SPAG11B: variants seen among roughly 807,000 people sequenced by gnomAD.
The protein encoded by SPAG11B is sperm-associated antigen 11B.
A neutral mutation model predicts 8.9 loss-of-function variants in SPAG11B; 5 were observed. That is an observed-to-expected ratio of 0.56 (90% CI 0.29 to 1.19). The LOEUF (loss-of-function observed/expected upper bound fraction) is 1.19, where lower values mean the gene tolerates loss of function less well. Among genes scored for constraint, SPAG11B ranks in the 50% most tolerant of loss-of-function variants. The pLI, the probability that SPAG11B is intolerant of heterozygous loss-of-function variation, is 0.08. For missense variants in SPAG11B, 38 were observed against 146.4 expected (o/e 0.26, Z 3.82); for synonymous variants, 12 against 53.0 (o/e 0.23, Z 3.36).
chr8:7,453,717 C>G (rs1380603665), intron 2 of SPAG11B, among the ~76,000 whole-genome samples: 3 of 149,006 alleles, frequency 2.0e-5, no homozygotes, highest in Admixed American at 6.7e-5. Flanking sequence ...CATGGGTGAA[C>G]AGTGTGAGCA....
downstream of SPAG11B, among the ~76,000 whole-genome samples, chr8:7,448,798 CCTTCCCTTCCATGTTT>C: frequency 7.4e-6 from 1 of 134,234 alleles, no homozygotes; most frequent in South Asian, 2.3e-4. Context: ...CCTTCCCTTC[CCTTCCCTTCCATGTTT>C]GCTTCCCGGA....
At chr8:7,453,531 A>G (rs1185123768) in intron 2 of SPAG11B, among the ~76,000 whole-genome samples, 4 of 148,210 alleles carry the variant, frequency 2.7e-5, no homozygotes, top group African/African-American at 1.0e-4. Flanking sequence ...GGACTTGCCT[A>G]TATTACTTGT....
intron 2 of SPAG11B, among the ~76,000 whole-genome samples, chr8:7,453,403 A>C (rs1447822639): frequency 6.7e-6 from 1 of 149,174 alleles, no homozygotes; most frequent in Non-Finnish European, 1.5e-5. Flanking sequence ...CCTGGGCTTC[A>C]TAACAATTGC....
downstream of SPAG11B, among the ~76,000 whole-genome samples, chr8:7,450,411 G>A (rs1426369449): frequency 2.1e-5 from 3 of 144,108 alleles, 1 homozygote; most frequent in African/African-American, 7.9e-5. Context: ...CAGCAGATTG[G>A]TTGCATTTAT....
At chr8:7,457,116 T>G (rs1376959129) in intron 2 of SPAG11B, among the ~76,000 whole-genome samples, 2 of 148,444 alleles carry the variant, frequency 1.3e-5, no homozygotes, top group Non-Finnish European at 3.0e-5. Context: ...TATTTATTTT[T>G]ACTCACCGCT....
chr8:7,448,873 A>G (rs1268637572), downstream of SPAG11B, among the ~76,000 whole-genome samples: 2 of 143,834 alleles, frequency 1.4e-5, no homozygotes, highest in Non-Finnish European at 3.0e-5. Context: ...GGGCAACGCC[A>G]TAGGTACTAG....
In SPAG11B at chr8:7,451,542, G is replaced by A. The variant is rs1585504155; in HGVS notation, c.215-642C>T. On this transcript the variant is annotated intron_variant, in intron 2 of 2. Coordinates refer to ENST00000398462, the MANE Select transcript of SPAG11B (RefSeq NM_058201.4). ...AACAACAGCACAGTGTTGGTCTTGC[G>A]TGATTAGGAAAACACTCTTGCACAA... Among the ~76,000 whole-genome samples the A allele has an allele frequency of 2.7e-5, 3 of 110,798 alleles. No homozygotes were observed. In the East Asian group the frequency reaches 8.2e-4, roughly 30 times the overall value. The allele number at this position is 110,798 out of a possible 152,430, so 72.7% of individuals were successfully genotyped here. A position where few individuals can be genotyped will look rare whatever the true frequency, so the allele number is the denominator to read the frequency against.
intron 2 of SPAG11B, among the ~76,000 whole-genome samples, chr8:7,451,898 G>C (rs2128872719): frequency 6.8e-6 from 1 of 146,840 alleles, no homozygotes; most frequent in Admixed American, 6.8e-5. Context: ...CACTTTCTCT[G>C]GACTTTGGTT....
downstream of SPAG11B, chr8:7,447,888 C>T (rs2740047): frequency 9.8e-4 from 868 of 887,342 alleles, 220 homozygotes; most frequent in Non-Finnish European, 1.3e-3. Context: ...GCCACAGACC[C>T]TGGGTGAGGC....
At chr8:7,451,207 G>C (rs2294141) in intron 2 of SPAG11B, 605,021 of 1,464,006 alleles carry the variant, frequency 0.41, 85,361 homozygotes, top group East Asian at 0.49. Context: ...GCACTAGAAG[G>C]AAACAAAGGG....
intron 2 of SPAG11B, among the ~76,000 whole-genome samples, chr8:7,453,657 A>G (rs571148775): frequency 3.3e-5 from 5 of 150,260 alleles, no homozygotes; most frequent in African/African-American, 1.2e-4. Context: ...AGTCTTACCT[A>G]GACATGGATT....
At chr8:7,452,816 C>T (rs1810259504) in intron 2 of SPAG11B, among the ~76,000 whole-genome samples, 1 of 91,158 alleles carries the variant, frequency 1.1e-5, no homozygotes, top group Non-Finnish European at 2.1e-5. Flanking sequence ...TAGCACATTT[C>T]CTTGCAGCCA....
intron 2 of SPAG11B, among the ~76,000 whole-genome samples, chr8:7,456,118 CTTTCCATTTTGGTCTTATTATTTA>C (rs1810463297): frequency 2.2e-5 from 1 of 44,578 alleles, no homozygotes; most frequent in Non-Finnish European, 4.6e-5. Flanking sequence ...GGCATACTAA[CTTTCCATTTTGGTCTTATTATTTA>C]TTTCCATTTT....
chr8:7,454,168 C>G (rs559588357), intron 2 of SPAG11B, among the ~76,000 whole-genome samples: 212 of 123,094 alleles, frequency 1.7e-3, no homozygotes, highest in Middle Eastern at 4.0e-3. Context: ...AGATGATACC[C>G]TAAGTTCAAG....
chr8:7,451,423 T>G (rs1258205562), intron 2 of SPAG11B, among the ~76,000 whole-genome samples: 9 of 127,656 alleles, frequency 7.1e-5, no homozygotes, highest in Admixed American at 4.3e-4. Flanking sequence ...AACAGGACAT[T>G]GGGCAAGAGA....
chr8:7,450,930 T>A, intron 2 of SPAG11B, 30 bp from the exon 3 acceptor site: 2 of 1,550,116 alleles, frequency 1.3e-6, no homozygotes, highest in Non-Finnish European at 1.8e-6. Context: ...GAGTTGACAT[T>A]TAACTCATAT....
chr8:7,453,046 G>A (rs1810277921), intron 2 of SPAG11B, among the ~76,000 whole-genome samples: 1 of 145,114 alleles, frequency 6.9e-6, no homozygotes, highest in African/African-American at 2.7e-5. Flanking sequence ...TGTCTACTTT[G>A]GAGGAAGAGG....
chr8:7,453,516 A>T (rs1169014609), intron 2 of SPAG11B, among the ~76,000 whole-genome samples: 1 of 147,568 alleles, frequency 6.8e-6, no homozygotes, highest in Non-Finnish European at 1.5e-5. Flanking sequence ...TCTAGATATC[A>T]TTCTGGACTT....
rs1210090767 is a variant in SPAG11B at position 7,453,350 on chromosome 8, A to G, written c.215-2450T>C. 4.7e-5 allele frequency among the ~76,000 whole-genome samples: 7 copies of G among 148,894 alleles called. 1 individual carries two copies. Among genetic ancestry groups the G allele is most frequent in the African/African-American group, 1.8e-4 (7 of 39,118 alleles). On this transcript the variant is annotated intron_variant, in intron 2 of 2. Coordinates refer to ENST00000398462, the MANE Select transcript of SPAG11B (RefSeq NM_058201.4). The stretch of plus-strand genomic sequence containing the variant: ...GATTTATTTCCCTTAAAATTCTCTT[A>G]AGCAAAAGGGGCAAGTGAGAAGGAT...
Sources: allele counts gnomAD v4.1 joint callset (sites outside exome capture counted in the v4.1 genomes callset), GRCh38; gene constraint gnomAD v4.1.1; transcripts MANE v1.5; gene names NCBI Gene and HGNC (gene_info 2026-07-23, HGNC 2026-07-21).